MOB3B: variants seen among roughly 807,000 people sequenced by gnomAD.
MOB3B encodes the protein MOB kinase activator-like 2B.
A neutral mutation model predicts 18.7 loss-of-function variants in MOB3B; 7 were observed. The ratio of observed to expected loss-of-function variants is 0.37; its 90% CI spans 0.21 to 0.70. MOB3B has a LOEUF of 0.70. MOB3B is among the 30% of genes least tolerant of loss of function. The pLI is 0.52. For missense variants in MOB3B, 253 were observed against 281.3 expected (o/e 0.90, Z 0.72); for synonymous variants, 111 against 99.9 (o/e 1.11, Z -0.66).
chr9:27,507,588 G>A (rs577471120), intron 1 of MOB3B, among the ~76,000 whole-genome samples: 1 of 152,276 alleles, frequency 6.6e-6, no homozygotes, highest in East Asian at 1.9e-4. Context: ...CTATACAATG[G>A]CATTCAGTAC....
At chr9:27,495,589 A>T (rs769749875) in intron 1 of MOB3B, among the ~76,000 whole-genome samples, 1 of 152,162 alleles carries the variant, frequency 6.6e-6, no homozygotes, top group African/African-American at 2.4e-5. Flanking sequence ...CAGACACTCA[A>T]TTCAGGCTAT....
At chr9:27,520,705 G>A (rs1315335376) in intron 1 of MOB3B, among the ~76,000 whole-genome samples, 1 of 152,154 alleles carries the variant, frequency 6.6e-6, no homozygotes, top group African/African-American at 2.4e-5. Context: ...CACATGTAAA[G>A]CCAGCATAGA....
At chr9:27,383,399 G>A (rs979873252) in intron 2 of MOB3B, among the ~76,000 whole-genome samples, 2 of 152,192 alleles carry the variant, frequency 1.3e-5, no homozygotes, top group Non-Finnish European at 2.9e-5. Context: ...TATAGTTGGA[G>A]AAACTGAAGC....
intron 1 of MOB3B, among the ~76,000 whole-genome samples, chr9:27,516,004 C>T (rs1160840098): frequency 3.9e-5 from 6 of 152,132 alleles, no homozygotes; most frequent in African/African-American, 7.2e-5. Flanking sequence ...TGAAGGGCCA[C>T]GTGAAGGGAC....
chr9:27,434,200 T>G (rs1022294831), intron 2 of MOB3B, among the ~76,000 whole-genome samples: 30 of 152,166 alleles, frequency 2.0e-4, no homozygotes, highest in African/African-American at 7.0e-4. Flanking sequence ...GTGTTTTTGC[T>G]CATCTGGGCT....
rs543124335 is a variant in MOB3B, at chr9:27,329,279, A to G, written c.*1308T>C. The G allele has an allele frequency of 6.6e-6, 1 of 152,216 alleles. No individual in the cohort carries two copies. The highest frequency in any genetic ancestry group is 1.5e-5 in the Non-Finnish European group (1 of 68,032). The allele number at this position is 152,216 out of a possible 1,614,324, so 9.4% of individuals were successfully genotyped here. A position where few individuals can be genotyped will look rare whatever the true frequency, so the allele number is the denominator to read the frequency against. On this transcript the variant is annotated 3_prime_UTR_variant, in exon 4 of 4. Coordinates refer to ENST00000262244, the MANE Select transcript of MOB3B (RefSeq NM_024761.5). Reference sequence around the variant, plus strand: ...CGTCACAGGTGGTCAGAACCACCACAGTTTTGTGAATGAATCAGAGAAGGC... The same window carrying G: ...CGTCACAGGTGGTCAGAACCACCACGGTTTTGTGAATGAATCAGAGAAGGC...
At chr9:27,435,047 TTCTCTCTCTCTCTCTC>T (rs60408942) in intron 2 of MOB3B, among the ~76,000 whole-genome samples, 16 of 145,980 alleles carry the variant, frequency 1.1e-4, no homozygotes, top group Admixed American at 3.4e-4. Context: ...TGTAAGGTGT[TTCTCTCTCTCTCTCTC>T]TCTCTCTCTC....
At position 27,455,237 on chromosome 9, in the gene MOB3B, T is replaced by G. The variant is rs758059560; in HGVS notation, c.314A>C (p.Lys105Thr). 9 of 1,614,164 alleles carry G rather than the reference T, an allele frequency of 5.6e-6. No homozygotes were observed. In the South Asian group the frequency reaches 7.7e-5, roughly 14 times the overall value. Residue 105 changes from lysine to threonine, a missense_variant, in exon 2 of 4, where the codon AAG becomes ACG. Lys to Thr is a moderately conservative substitution (Grantham distance 78, BLOSUM62 -1). Transcript: ENST00000262244. ...TGGCAGCGCTGTTGGCTTCTTATACTTGAGATCATCCTGCCACCGATACTC... is the reference window on the plus strand; with the variant it reads ...TGGCAGCGCTGTTGGCTTCTTATACGTGAGATCATCCTGCCACCGATACTC... ...KYEYRWQDDL[K>T]YKKPTALPAP...
intron 3 of MOB3B, among the ~76,000 whole-genome samples, chr9:27,333,376 A>C (rs1443837258): frequency 1.3e-5 from 2 of 152,156 alleles, no homozygotes; most frequent in East Asian, 1.9e-4. Flanking sequence ...ACTCGTTTAA[A>C]TAAACAAATG....
At chr9:27,522,113 G>A (rs908770864) in intron 1 of MOB3B, among the ~76,000 whole-genome samples, 5 of 151,152 alleles carry the variant, frequency 3.3e-5, no homozygotes, top group Non-Finnish European at 7.4e-5. Context: ...ATGGTGACGC[G>A]TGCCTGTAAT....
chr9:27,473,237 G>C (rs762997089), intron 1 of MOB3B, among the ~76,000 whole-genome samples: 1 of 152,190 alleles, frequency 6.6e-6, no homozygotes, highest in East Asian at 1.9e-4. Context: ...AGCTGAGCTC[G>C]CTGTCCTGAA....
In MOB3B at chr9:27,325,738, A is replaced by T. The variant is rs1187888547; in HGVS notation, c.*4849T>A. ...ATGATGCCTCCAACTCCTTTTAATG[A>T]TTGTGCCTTGGTACACATTTCCTCA... On this transcript the variant is annotated 3_prime_UTR_variant, in exon 4 of 4. Transcript: ENST00000262244. 1 of 152,190 alleles carries T rather than the reference A, an allele frequency of 6.6e-6. No homozygotes were observed. The highest frequency in any genetic ancestry group is 1.9e-4 in the East Asian group (1 of 5,196). The allele number at this position is 152,190 out of a possible 1,614,324, so 9.4% of individuals were successfully genotyped here.
At chr9:27,438,294 T>C (rs1020219153) in intron 2 of MOB3B, among the ~76,000 whole-genome samples, 1 of 152,198 alleles carries the variant, frequency 6.6e-6, no homozygotes, top group East Asian at 1.9e-4. Context: ...CAAAGCCCTG[T>C]TCCTACCCAG....
Position 27,368,121 on chromosome 9 carries a change from G to A in MOB3B, c.419-8885C>T, listed in dbSNP as rs142493177. 3.5e-3 allele frequency among the ~76,000 whole-genome samples: 531 copies of A among 152,222 alleles called. 5 individuals are homozygous for A. Among genetic ancestry groups the A allele is most frequent in the African/African-American group, 0.011 (467 of 41,550 alleles). ...AAGAAAACATACCTCCTCTGGCAGC[G>A]TGGCTGAGAACACACCATTTCCAAA... On this transcript the variant is annotated intron_variant, in intron 2 of 3. Transcript: ENST00000262244.
chr9:27,526,893 G>T (rs953244360), intron 1 of MOB3B, among the ~76,000 whole-genome samples: 1 of 152,200 alleles, frequency 6.6e-6, no homozygotes, highest in Non-Finnish European at 1.5e-5. Context: ...AGGTATAGGA[G>T]CCTTTGTGCA....
At chr9:27,416,544 A>ATTTTTTTTTTTTTTTT (rs559806304) in intron 2 of MOB3B, among the ~76,000 whole-genome samples, 13 of 121,414 alleles carry the variant, frequency 1.1e-4, no homozygotes, top group Non-Finnish European at 1.5e-4. Flanking sequence ...TTTCTTTTTA[A>ATTTTTTTTTTTTTTTT]TTTTTTTTTT....
At chr9:27,526,829 A>G (rs895656872) in intron 1 of MOB3B, among the ~76,000 whole-genome samples, 6 of 152,242 alleles carry the variant, frequency 3.9e-5, no homozygotes, top group Admixed American at 3.9e-4. Flanking sequence ...AGATACTCCC[A>G]TCAGTATGAC....
chr9:27,425,774 C>G (rs542349167), intron 2 of MOB3B, among the ~76,000 whole-genome samples: 55 of 152,264 alleles, frequency 3.6e-4, no homozygotes, highest in African/African-American at 5.3e-4. Flanking sequence ...CTTTTGTCAG[C>G]CTTCTCTTCC....
intron 1 of MOB3B, among the ~76,000 whole-genome samples, chr9:27,519,249 C>T (rs111896940): frequency 2.6e-5 from 4 of 152,300 alleles, no homozygotes; most frequent in African/African-American, 9.6e-5. Flanking sequence ...TATTGAGCAC[C>T]TACTATGGGC....
Sources: allele counts gnomAD v4.1 joint callset (sites outside exome capture counted in the v4.1 genomes callset), GRCh38; gene constraint gnomAD v4.1.1; transcripts MANE v1.5; gene names NCBI Gene and HGNC (gene_info 2026-07-23, HGNC 2026-07-21).